Variants in CTNNA2 observed in about 807,000 individuals in gnomAD.
CTNNA2 encodes the protein catenin alpha-2.
In CTNNA2, 42 loss-of-function variants were observed where a neutral mutation model predicts 101.0. The ratio of observed to expected loss-of-function variants is 0.42; its 90% confidence interval spans 0.32 to 0.54. The LOEUF (loss-of-function observed/expected upper bound fraction) is 0.54, where lower values mean the gene tolerates loss of function less well. CTNNA2 is among the 20% of genes least tolerant of loss of function. The pLI is 0.14. For missense variants in CTNNA2, 871 were observed against 1,223.1 expected, an observed-to-expected ratio of 0.71 and a Z score of 4.29; for synonymous variants, 450 against 456.4, an observed-to-expected ratio of 0.99 and a Z score of 0.18.
chr2:79,870,023 G>A, intron 5 of CTNNA2, 88 bp downstream of exon 5: 3 of 1,474,608 alleles, frequency 2.0e-6, no homozygotes, highest in Non-Finnish European at 2.8e-6. Flanking sequence ...TGGATCAACT[G>A]CATCTGCTTG....
At chr2:80,338,010 A>C in intron 7 of CTNNA2, among the ~76,000 whole-genome samples, 1 of 150,932 alleles carries the variant, frequency 6.6e-6, no homozygotes, top group Non-Finnish European at 1.5e-5. Flanking sequence ...TTTTTTTGAG[A>C]CAGAGTGTCA....
At position 79,931,929 on chromosome 2, in the gene CTNNA2, A is replaced by C. The variant is rs555148443; in HGVS notation, c.1056+22132A>C. On this transcript the variant is annotated intron_variant, in intron 7 of 18. Transcript: ENST00000402739. Reference sequence around the variant, plus strand: ...CTCCTTACCCAGTCTTACTGCCCCAAATCCCCAGCACTAGCTTTTTAGACA... The same window carrying C: ...CTCCTTACCCAGTCTTACTGCCCCACATCCCCAGCACTAGCTTTTTAGACA... 8.5e-5 allele frequency among the ~76,000 whole-genome samples: 13 copies of C among 152,306 alleles called. No individual in the cohort carries two copies. The South Asian group carries it at 2.7e-3, about 32-fold the overall frequency.
intron 7 of CTNNA2, among the ~76,000 whole-genome samples, chr2:79,932,363 G>C (rs1320995355): frequency 6.6e-6 from 1 of 152,140 alleles, no homozygotes; most frequent in Non-Finnish European, 1.5e-5. Flanking sequence ...GGAGAAGAGG[G>C]AACCAGTGAA....
chr2:79,275,239 A>G (rs1400767431), intron 2 of CTNNA2, among the ~76,000 whole-genome samples: 1 of 152,072 alleles, frequency 6.6e-6, no homozygotes, highest in African/African-American at 2.4e-5. Flanking sequence ...TGCCCAAAAG[A>G]GGTAACTGGA....
chr2:80,451,186 A>C (rs551200267), intron 9 of CTNNA2, among the ~76,000 whole-genome samples: 69 of 152,084 alleles, frequency 4.5e-4, no homozygotes, highest in Non-Finnish European at 8.7e-4. Context: ...CCCAAATCTC[A>C]TTTTGAATTG....
At position 80,303,464 on chromosome 2, in the gene CTNNA2, G is replaced by C; in HGVS notation, c.1057-89747G>C. The stretch of plus-strand genomic sequence containing the variant: ...TTGGGTGATCTGGTTGGAACTCAGC[G>C]TGAGTTCCTTAACTCGGCGCAGTTT... On this transcript the variant is annotated intron_variant, in intron 7 of 18. Transcript: ENST00000402739. This position sits in a 1 kb window ranked among gnomAD's most constrained non-coding sequence, Gnocchi z 7.7. The C allele has an allele frequency of 6.2e-7, 1 of 1,614,230 alleles. No homozygotes were observed. The highest frequency in any genetic ancestry group is 8.5e-7 in the Non-Finnish European group (1 of 1,180,050).
chr2:79,677,454 G>T (rs1183519346), intron 2 of CTNNA2, among the ~76,000 whole-genome samples: 1 of 152,176 alleles, frequency 6.6e-6, no homozygotes, highest in Non-Finnish European at 1.5e-5. Flanking sequence ...GGCATAGGCG[G>T]ATCAAATGGG....
chr2:79,704,823 A>C (rs1685249221), intron 2 of CTNNA2, among the ~76,000 whole-genome samples: 1 of 152,094 alleles, frequency 6.6e-6, no homozygotes, highest in Admixed American at 6.6e-5. Flanking sequence ...AAAAGCAGAG[A>C]GTTTTCAGCA....
rs558700892 is a variant in CTNNA2 at position 79,782,692 on chromosome 2, G to A, written c.298+38110G>A. 7.2e-5 allele frequency among the ~76,000 whole-genome samples: 11 copies of A among 152,206 alleles called. 1 individual carries two copies. The South Asian group carries it at 2.3e-3, about 32-fold the overall frequency. On this transcript the variant is annotated intron_variant, in intron 3 of 18. Transcript: ENST00000402739. The stretch of plus-strand genomic sequence containing the variant: ...GGATGCCTAAGTACTTAATTGTTCG[G>A]TCTCTACATAAGAATCACTTTGCTG...
At chr2:80,094,827 G>A (rs1700042046) in intron 7 of CTNNA2, among the ~76,000 whole-genome samples, 1 of 152,176 alleles carries the variant, frequency 6.6e-6, no homozygotes, top group Admixed American at 6.5e-5. Context: ...TGGTGTATAA[G>A]AATGCTTGTG....
intron 9 of CTNNA2, among the ~76,000 whole-genome samples, chr2:80,470,837 G>A (rs1222521196): frequency 6.6e-6 from 1 of 152,192 alleles, no homozygotes; most frequent in African/African-American, 2.4e-5. Context: ...CTAAGCAACT[G>A]TGTCTGGAGA....
intron 2 of CTNNA2, among the ~76,000 whole-genome samples, chr2:79,663,041 T>C (rs550140920): frequency 6.6e-6 from 1 of 152,308 alleles, no homozygotes; most frequent in East Asian, 1.9e-4. Flanking sequence ...CTATGGCTTT[T>C]ATTATCATCG....
intron 9 of CTNNA2, among the ~76,000 whole-genome samples, chr2:80,477,655 A>G (rs796532332): frequency 5.9e-5 from 9 of 151,862 alleles, no homozygotes; most frequent in African/African-American, 2.2e-4. Context: ...AATGCCCTCC[A>G]GGTCCACCCA....
chr2:80,183,943 T>G (rs971341755), intron 7 of CTNNA2, among the ~76,000 whole-genome samples: 1 of 151,918 alleles, frequency 6.6e-6, no homozygotes, highest in Admixed American at 6.6e-5. Flanking sequence ...GGGGAGATCT[T>G]AAATCATAAC....
At chr2:79,893,045 G>C (rs918754285) in intron 6 of CTNNA2, among the ~76,000 whole-genome samples, 1 of 151,994 alleles carries the variant, frequency 6.6e-6, no homozygotes, top group African/African-American at 2.4e-5. Context: ...TTTCCATGAC[G>C]TGGCTGAGAA....
chr2:79,591,017 T>G (rs1053663534), intron 1 of CTNNA2, among the ~76,000 whole-genome samples: 1 of 152,212 alleles, frequency 6.6e-6, no homozygotes, highest in African/African-American at 2.4e-5. Context: ...TCTCTTATAA[T>G]GTATTTTATA....
chr2:79,255,784 A>C (rs577160377), intron 2 of CTNNA2, among the ~76,000 whole-genome samples: 1 of 152,354 alleles, frequency 6.6e-6, no homozygotes, highest in African/African-American at 2.4e-5. Context: ...AGACATACAT[A>C]AATATGGGAT....
intron 7 of CTNNA2, among the ~76,000 whole-genome samples, chr2:80,128,848 G>A (rs1013757732): frequency 6.6e-6 from 1 of 152,116 alleles, no homozygotes; most frequent in African/African-American, 2.4e-5. Context: ...TTTTCAAGTG[G>A]AAAAGGAGAA....
intron 4 of CTNNA2, among the ~76,000 whole-genome samples, chr2:79,381,658 T>G (rs577224558): frequency 1.3e-5 from 2 of 152,326 alleles, no homozygotes; most frequent in East Asian, 3.9e-4. Context: ...ATTGAGGAAC[T>G]GACTAAGGTT....
Sources: allele counts gnomAD v4.1 joint callset (sites outside exome capture counted in the v4.1 genomes callset), GRCh38; gene constraint gnomAD v4.1.1; non-coding constraint Gnocchi (gnomAD v3.1); transcripts MANE v1.5; gene names NCBI Gene and HGNC (gene_info 2026-07-23, HGNC 2026-07-21).